SIGLEC12: variants seen among roughly 807,000 people sequenced by gnomAD.
The protein encoded by SIGLEC12 is sialic acid binding Ig like lectin 12, also known as sialic acid-binding Ig-like lectin 12.
SIGLEC12 carries 43 observed loss-of-function variants against 54.1 expected under a neutral mutation model. The observed-to-expected ratio is 0.80, with a 90% CI of 0.62 to 1.03. The LOEUF is 1.03. Ranked by LOEUF, SIGLEC12 falls within the 50% of genes least tolerant of loss-of-function variation. The pLI, the probability that SIGLEC12 is intolerant of heterozygous loss-of-function variation, is 0.00. For missense variants in SIGLEC12, 802 were observed against 735.2 expected, an observed-to-expected ratio of 1.09 and a Z score of -1.05; for synonymous variants, 357 against 307.6, an observed-to-expected ratio of 1.16 and a Z score of -1.68.
At chr19:51,500,362 G>C in intron 1 of SIGLEC12, 62 bp from the exon 2 acceptor site, 2 of 1,613,530 alleles carry the variant, frequency 1.2e-6, no homozygotes, top group Non-Finnish European at 1.7e-6. Flanking sequence ...CCCATAGCAG[G>C]GGCAGCAGCA....
rs1403884778 is a variant in SIGLEC12 at position 51,500,042 on chromosome 19, T to C, written c.686A>G (p.Asn229Ser). Residue 229 changes from asparagine to serine, a missense_variant, in exon 2 of 8, where the codon AAC becomes AGC. By Grantham distance (46) the Asn-to-Ser change is conservative. Transcript: ENST00000291707. The part of the protein sequence containing the change: ...RFLLLGDPQT[N>S]NCSLSIRDAR... The stretch of plus-strand genomic sequence containing the variant: ...ATCTCTGATGCTCAGGGAGCAGTTG[T>C]TGGTCTGTGGGTCCCCAAGGAGGAG... The C allele has an allele frequency of 6.2e-7, 1 of 1,614,140 alleles. No homozygotes were observed. The highest frequency in any genetic ancestry group is 8.5e-7 in the Non-Finnish European group (1 of 1,179,994).
Position 51,491,572 on chromosome 19 carries a change from G to A in SIGLEC12, c.*69C>T, listed in dbSNP as rs527502414. 7.8e-4 allele frequency: 1,143 copies of A among 1,458,790 alleles called. No homozygotes were observed. Among genetic ancestry groups the A allele is most frequent in the Non-Finnish European group, 1.0e-3 (1,069 of 1,044,544 alleles). The allele number at this position is 1,458,790 out of a possible 1,614,324, so 90.4% of individuals were successfully genotyped here. A position where few individuals can be genotyped will look rare whatever the true frequency, so the allele number is the denominator to read the frequency against. ...GCATGGAGGGCTGTTAATTCTAAAG[G>A]AATCAGTCTCGGGCTTCTTTGCTGC... On this transcript the variant is annotated 3_prime_UTR_variant, in exon 8 of 8. Transcript: ENST00000291707.
chr19:51,501,596 G>A lies in SIGLEC12; in HGVS notation c.138C>T (p.Phe46=), dbSNP rs765933544. ...EGLCVSVLCS[F]SYPQNGWTAS... is the part of the protein sequence containing the mutation. ...CAGTCCAGCCATTTTGGGGGTAGGA[G>A]AAGGAGCAAAGCACAGAGACACACA... is the stretch of plus-strand genomic sequence containing the variant. Residue 46 remains phenylalanine (F), a synonymous_variant, in exon 1 of 8, where the codon TTC becomes TTT. Transcript: ENST00000291707. 6.2e-7 allele frequency: 1 copy of A among 1,614,130 alleles called. No individual in the cohort carries two copies. The highest frequency in any genetic ancestry group is 1.1e-5 in the South Asian group (1 of 91,082).
chr19:51,500,192 T>C lies in SIGLEC12; in HGVS notation c.536A>G (p.Asn179Ser), dbSNP rs1425561550. Residue 179 changes from asparagine to serine, a missense_variant, in exon 2 of 8, where the codon AAC (asparagine) becomes AGC (serine). By Grantham distance (46) the Asn-to-Ser change is conservative. Transcript: ENST00000291707. ...VPCSVLYPHY[N>S]WTASSPVYGS... ...ATAAACAGGGCTAGAGGCAGTCCAG[T>C]TGTAATGGGGGTAAAGGACACTGCA... 1.5e-5 allele frequency: 25 copies of C among 1,613,818 alleles called. No individual in the cohort carries two copies. The highest frequency in any genetic ancestry group is 2.1e-5 in the Non-Finnish European group (25 of 1,179,970).
rs1187287626 is a variant in SIGLEC12, at chr19:51,495,332, GAT to G, written c.1599+1546_1599+1547del. Among the ~76,000 whole-genome samples, 168 of 99,242 alleles carry G rather than the reference GAT, an allele frequency of 1.7e-3. 5 individuals carry two copies. Among genetic ancestry groups the G allele is most frequent in the Non-Finnish European group, 2.1e-3 (94 of 44,342 alleles). 65.1% of individuals were successfully genotyped at this position (99,242 alleles called of 152,430 possible). A position where few individuals can be genotyped will look rare whatever the true frequency, so the allele number is the denominator to read the frequency against. On this transcript the variant is annotated intron_variant, in intron 7 of 7. Transcript: ENST00000291707. Reference sequence around the variant, plus strand: ...GGGTGGGTGGATGGATGGATGGATGGATGGATGGATGGATGGATGGACAGACG... The same window carrying G: ...GGGTGGGTGGATGGATGGATGGATGGGGATGGATGGATGGATGGACAGACG...
rs1277560941 is a variant in SIGLEC12 at position 51,491,557 on chromosome 19, C to T, written c.*84G>A. 1 of 1,312,060 alleles carries T rather than the reference C, an allele frequency of 7.6e-7. No individual in the cohort carries two copies. Among genetic ancestry groups the T allele is most frequent in the Middle Eastern group, 2.5e-4 (1 of 3,938 alleles). The allele number at this position is 1,312,060 out of a possible 1,614,324, so 81.3% of individuals were successfully genotyped here. ...ATGTCCTGTTGCACAGCATGGAGGG[C>T]TGTTAATTCTAAAGGAATCAGTCTC... On this transcript the variant is annotated 3_prime_UTR_variant, in exon 8 of 8. Transcript: ENST00000291707.
chr19:51,495,819 C>T (rs959432474), intron 7 of SIGLEC12, among the ~76,000 whole-genome samples: 1 of 152,132 alleles, frequency 6.6e-6, no homozygotes, highest in Non-Finnish European at 1.5e-5. Flanking sequence ...CTACTCGAAA[C>T]CTTCCACAGG....
At chr19:51,499,274 G>A in intron 3 of SIGLEC12, 57 bp from the exon 4 acceptor site, 1 of 1,601,682 alleles carries the variant, frequency 6.2e-7, no homozygotes, top group South Asian at 1.1e-5. Flanking sequence ...CACTGACCCT[G>A]TCTCCCCAGG....
At chr19:51,494,600 C>T (rs1990178910) in intron 7 of SIGLEC12, among the ~76,000 whole-genome samples, 1 of 152,170 alleles carries the variant, frequency 6.6e-6, no homozygotes, top group Non-Finnish European at 1.5e-5. Context: ...AGTCCAGAAA[C>T]CCTACTTGTG....
intron 7 of SIGLEC12, among the ~76,000 whole-genome samples, chr19:51,492,230 G>T (rs1394007479): frequency 1.3e-5 from 2 of 152,180 alleles, no homozygotes; most frequent in African/African-American, 4.8e-5. Context: ...GACTGTGGTG[G>T]ACACGGTAGG....
At position 51,497,373 on chromosome 19, in the gene SIGLEC12, A is replaced by G; in HGVS notation, c.1478T>C (p.Leu493Pro). ...CACAACGAAGATGATGCAGAAGTAC[A>G]GGAAGACCAGGGCTGTGGCTCCAGC... ...GGAGATALVF[L>P]YFCIIFVVVR... Residue 493 changes from leucine to proline, a missense_variant, in exon 6 of 8, where the codon CTG becomes CCG. Transcript: ENST00000291707. 1.2e-6 allele frequency: 2 copies of G among 1,613,090 alleles called. No homozygotes were observed. The highest frequency in any genetic ancestry group is 1.7e-6 in the Non-Finnish European group (2 of 1,179,226).
At chr19:51,496,147 A>G (rs1208191191) in intron 7 of SIGLEC12, among the ~76,000 whole-genome samples, 2 of 152,206 alleles carry the variant, frequency 1.3e-5, no homozygotes, top group Admixed American at 6.5e-5. Flanking sequence ...TTTTAACACA[A>G]TATTTAAAAA....
At position 51,499,880 on chromosome 19, in the gene SIGLEC12, G is replaced by A. The variant is rs751103237; in HGVS notation, c.808+40C>T. 10 of 1,574,292 alleles carry A rather than the reference G, an allele frequency of 6.4e-6. No individual in the cohort carries two copies. The Admixed American group carries it at 1.0e-4, about 16-fold the overall frequency. On this transcript the variant is annotated intron_variant, in intron 2 of 7. Coordinates refer to ENST00000291707, the MANE Select transcript of SIGLEC12 (RefSeq NM_053003.4). ...ACCTCAGCCCTACCCTGCGGCCCTC[G>A]GGCCTTCCCCTCTGGCTGGTCCTAG...
intron 5 of SIGLEC12, among the ~76,000 whole-genome samples, 160 bp downstream of exon 5, chr19:51,497,857 TC>T (rs1990282020): frequency 6.6e-6 from 1 of 152,028 alleles, no homozygotes; most frequent in Non-Finnish European, 1.5e-5. Context: ...CCCCAGCTCC[TC>T]CCCTCCAAGA....
At chr19:51,495,576 T>C (rs1200290625) in intron 7 of SIGLEC12, among the ~76,000 whole-genome samples, 1 of 152,252 alleles carries the variant, frequency 6.6e-6, no homozygotes, top group Non-Finnish European at 1.5e-5. Context: ...CTATTTCTTC[T>C]ACATTGCATT....
intron 7 of SIGLEC12, among the ~76,000 whole-genome samples, chr19:51,493,624 G>C (rs918061702): frequency 1.3e-5 from 2 of 151,860 alleles, no homozygotes; most frequent in Non-Finnish European, 2.9e-5. Flanking sequence ...CCATGGATTG[G>C]GGCAAAAATC....
Position 51,491,679 on chromosome 19 carries a change from T to C in SIGLEC12, c.1750A>G (p.Ile584Val). 14 of 1,614,028 alleles carry C rather than the reference T, an allele frequency of 8.7e-6. No individual in the cohort carries two copies. The highest frequency in any genetic ancestry group is 1.2e-5 in the Non-Finnish European group (14 of 1,179,994). The part of the protein sequence containing the change: ...RPQYPQEQEA[I>V]GYEYSEINIP... ...TTGATCTCGGAGTACTCATAGCCGATGGCCTCCTGTTCCTGTGGGTACTGA... is the reference window on the plus strand; with the variant it reads ...TTGATCTCGGAGTACTCATAGCCGACGGCCTCCTGTTCCTGTGGGTACTGA... Residue 584 changes from isoleucine to valine, a missense_variant, in exon 8 of 8, where the codon ATC (isoleucine) becomes GTC (valine). Transcript: ENST00000291707.
intron 7 of SIGLEC12, among the ~76,000 whole-genome samples, chr19:51,492,803 GC>G (rs1489406200): frequency 2.6e-5 from 4 of 152,232 alleles, no homozygotes; most frequent in Admixed American, 2.0e-4. Context: ...AACTGGCCCT[GC>G]CTGCCAATGC....
intron 6 of SIGLEC12, 131 bp downstream of exon 6, chr19:51,497,218 G>T: frequency 1.1e-6 from 1 of 919,040 alleles, no homozygotes; most frequent in Non-Finnish European, 1.7e-6. Context: ...TTCTTACCAT[G>T]CACCCATGAC....
Sources: gnomAD v4.1 joint callset for allele counts (sites outside exome capture counted in the v4.1 genomes callset) on GRCh38, gnomAD v4.1.1 for gene constraint, MANE v1.5 for transcripts, NCBI Gene and HGNC (gene_info 2026-07-23, HGNC 2026-07-21) for gene names.